HPSE2: variants seen among roughly 807,000 people sequenced by gnomAD.
The protein encoded by HPSE2 is heparanase 2 (inactive).
A neutral mutation model predicts 60.5 loss-of-function variants in HPSE2; 38 were observed. The ratio of observed to expected loss-of-function variants is 0.63; its 90% CI spans 0.48 to 0.82. The LOEUF (loss-of-function observed/expected upper bound fraction) is 0.82, where lower values mean the gene tolerates loss of function less well. HPSE2 is among the 40% of genes least tolerant of loss of function. The pLI is 0.00. For missense variants in HPSE2, 713 were observed against 740.4 expected (o/e 0.96, Z 0.43); for synonymous variants, 295 against 293.2 (o/e 1.01, Z -0.06).
At chr10:98,854,899 A>G (rs1258758437) in intron 3 of HPSE2, among the ~76,000 whole-genome samples, 3 of 152,332 alleles carry the variant, frequency 2.0e-5, no homozygotes, top group African/African-American at 7.2e-5. Context: ...TTAATCATTC[A>G]ACATCTTTAA....
At chr10:99,245,764 A>C in the HPSE2 span, among the ~76,000 whole-genome samples, 1 of 152,244 alleles carries the variant, frequency 6.6e-6, no homozygotes, top group Non-Finnish European at 1.5e-5. Flanking sequence ...AGAGCCAGTA[A>C]TCCCACTGCT....
In HPSE2 at chr10:98,657,578, C is replaced by T. The variant is rs149839027; in HGVS notation, c.1005-15638G>A. ...TCTCGAACTCTTGACCTCAAACAAT[C>T]TGCTTGCCTTGCTCTCCCAGAGTGC... On this transcript the variant is annotated intron_variant, in intron 6 of 11. Transcript: ENST00000370552. 1.5e-3 allele frequency among the ~76,000 whole-genome samples: 230 copies of T among 152,322 alleles called. 3 individuals are homozygous for T. The highest frequency in any genetic ancestry group is 5.3e-3 in the African/African-American group (219 of 41,584).
intron 3 of HPSE2, among the ~76,000 whole-genome samples, chr10:98,971,214 A>G (rs756351440): frequency 6.2e-4 from 94 of 152,228 alleles, no homozygotes; most frequent in Non-Finnish European, 1.2e-3. Flanking sequence ...AACAAGAATA[A>G]CAACATAATC....
At chr10:98,554,777 G>C (rs1188229147) in intron 9 of HPSE2, among the ~76,000 whole-genome samples, 1 of 152,218 alleles carries the variant, frequency 6.6e-6, no homozygotes, top group African/African-American at 2.4e-5. Context: ...AGGTTTGCGT[G>C]TTAGTCTTGG....
chr10:98,727,465 A>C (rs183169147), intron 4 of HPSE2, among the ~76,000 whole-genome samples: 53 of 152,290 alleles, frequency 3.5e-4, no homozygotes, highest in African/African-American at 1.2e-3. Flanking sequence ...AGCCTGGCCA[A>C]CACAGTGAAA....
chr10:99,094,536 ATATATTTTTTTTTTTTTTTT>A (rs1843642015), intron 3 of HPSE2, among the ~76,000 whole-genome samples: 2 of 20,504 alleles, frequency 9.8e-5, no homozygotes, highest in African/African-American at 2.7e-4. Flanking sequence ...ATATATATAT[ATATATTTTTTTTTTTTTTTT>A]TTTTTTTTTT....
intron 2 of HPSE2, among the ~76,000 whole-genome samples, chr10:99,165,867 C>T (rs2796752): frequency 0.69 from 104,861 of 151,998 alleles, 39,646 homozygotes; most frequent in Non-Finnish European, 0.83. Context: ...GACAAGTGCA[C>T]AGAATCAAGT....
At chr10:99,079,612 C>A (rs776749222) in intron 3 of HPSE2, among the ~76,000 whole-genome samples, 16 of 152,108 alleles carry the variant, frequency 1.1e-4, no homozygotes, top group Non-Finnish European at 2.4e-4. Flanking sequence ...TCCAAGGCTG[C>A]TATAATATGC....
chr10:98,675,004 T>C (rs1484892940), intron 6 of HPSE2, among the ~76,000 whole-genome samples: 1 of 152,248 alleles, frequency 6.6e-6, no homozygotes, highest in African/African-American at 2.4e-5. Context: ...GAAATGTGAC[T>C]TTCATAACAA....
At chr10:99,274,918 G>A in the HPSE2 span, among the ~76,000 whole-genome samples, 5 of 152,292 alleles carry the variant, frequency 3.3e-5, no homozygotes, top group East Asian at 3.9e-4. Flanking sequence ...TAGGTGTAAC[G>A]TTTTAAACTA....
intron 9 of HPSE2, among the ~76,000 whole-genome samples, chr10:98,506,691 C>A (rs900027729): frequency 6.6e-6 from 1 of 152,174 alleles, no homozygotes; most frequent in Non-Finnish European, 1.5e-5. Context: ...CTCCTGATCA[C>A]TCCTCAAGTG....
chr10:99,142,143 T>G (rs1418359821), intron 3 of HPSE2, among the ~76,000 whole-genome samples: 1 of 152,206 alleles, frequency 6.6e-6, no homozygotes, highest in Non-Finnish European at 1.5e-5. Flanking sequence ...GTTCTGAATG[T>G]GCTGGTAAAG....
chr10:99,232,313 C>T (rs1018372195), intron 2 of HPSE2, 35 bp downstream of exon 2: 48 of 1,550,930 alleles, frequency 3.1e-5, no homozygotes, highest in Non-Finnish European at 4.0e-5. Context: ...CTTGCTTCCG[C>T]TCCCCAAATA....
chr10:99,308,379 C>CAA, the HPSE2 span, among the ~76,000 whole-genome samples: 109 of 28,130 alleles, frequency 3.9e-3, 18 homozygotes, highest in Admixed American at 9.3e-3. Context: ...GACTCTGTCT[C>CAA]AAAAAAAAAA....
intron 2 of HPSE2, among the ~76,000 whole-genome samples, chr10:99,223,527 C>T (rs1051551072): frequency 1.4e-4 from 22 of 152,228 alleles, no homozygotes; most frequent in Middle Eastern, 6.8e-3. Context: ...TACATGCATG[C>T]ACCCATCTTT....
intron 3 of HPSE2, among the ~76,000 whole-genome samples, chr10:98,751,323 G>A (rs149487270): frequency 1.5e-4 from 23 of 152,118 alleles, no homozygotes; most frequent in African/African-American, 5.1e-4. Context: ...CTGTTACCTG[G>A]GAATTAAATT....
At chr10:99,303,412 C>T in the HPSE2 span, among the ~76,000 whole-genome samples, 15 of 152,194 alleles carry the variant, frequency 9.9e-5, no homozygotes, top group Middle Eastern at 6.8e-3. Flanking sequence ...TGAAGGCCCT[C>T]CAAGCATATG....
intron 3 of HPSE2, among the ~76,000 whole-genome samples, chr10:98,989,337 T>C (rs1481263425): frequency 6.6e-6 from 1 of 152,154 alleles, no homozygotes; most frequent in Admixed American, 6.5e-5. Context: ...TGAGTTCATG[T>C]CCTTTGTAGG....
chr10:98,531,134 A>G (rs564366777), intron 9 of HPSE2, among the ~76,000 whole-genome samples: 1 of 152,332 alleles, frequency 6.6e-6, no homozygotes, highest in East Asian at 1.9e-4. Flanking sequence ...GACAGATATT[A>G]AGTGACCACC....
Sources: gnomAD v4.1 joint callset for allele counts (sites outside exome capture counted in the v4.1 genomes callset) on GRCh38, gnomAD v4.1.1 for gene constraint, MANE v1.5 for transcripts, NCBI Gene and HGNC (gene_info 2026-07-23, HGNC 2026-07-21) for gene names.